Variants in CHD7 observed in about 807,000 individuals in gnomAD.
CHD7 encodes chromodomain helicase DNA binding protein 7.
CHD7 carries 24 observed loss-of-function variants against 307.3 expected under a neutral mutation model. The observed-to-expected ratio is 0.08, with a 90% confidence interval of 0.06 to 0.11. The LOEUF (loss-of-function observed/expected upper bound fraction) is 0.11, where lower values mean the gene tolerates loss of function less well. CHD7 is among the 10% of genes least tolerant of loss of function. The pLI, the probability that CHD7 is intolerant of heterozygous loss-of-function variation, is 1.00. For missense variants in CHD7, 3,106 were observed against 3,727.1 expected, an observed-to-expected ratio of 0.83 and a Z score of 4.34; for synonymous variants, 1,363 against 1,349.9, an observed-to-expected ratio of 1.01 and a Z score of -0.21.
At chr8:60,780,934 C>A (rs1424988521) in intron 2 of CHD7, 66 bp from the exon 3 acceptor site, 2 of 1,418,564 alleles carry the variant, frequency 1.4e-6, no homozygotes, top group African/African-American at 1.4e-5. Flanking sequence ...CAGCCACTAA[C>A]TTTCAGTTCT....
At position 60,862,213 on chromosome 8, in the gene CHD7, G is replaced by A. The variant is rs188188906; in HGVS notation, c.7848G>A (p.Leu2616=). The change falls in exon 36 of 38, where the codon CTG becomes CTA. Residue 2616 remains leucine, a synonymous_variant. Coordinates refer to ENST00000423902, the MANE Select transcript of CHD7 (RefSeq NM_017780.4). ...PSYVPKNADV[L]FSSFQKPKQK... is the part of the protein sequence containing the mutation. ...TTTTGCAGAAGAATGCAGATGTGCTGTTTTCCTCATTTCAGAAACCGAAAC... is the reference window on the plus strand; with the variant it reads ...TTTTGCAGAAGAATGCAGATGTGCTATTTTCCTCATTTCAGAAACCGAAAC... 89 of 1,609,946 alleles carry A rather than the reference G, an allele frequency of 5.5e-5. No homozygotes were observed. In the Admixed American group the frequency reaches 1.5e-3, roughly 26 times the overall value.
rs748282026 is a variant in CHD7, at chr8:60,819,983, CT to C, written c.2614-14del. 28,289 of 1,268,764 alleles carry C rather than the reference CT, an allele frequency of 0.022. 737 individuals carry two copies. Among genetic ancestry groups the C allele is most frequent in the East Asian group, 0.14 (5,440 of 38,762 alleles). The allele number at this position is 1,268,764 out of a possible 1,614,324, so 78.6% of individuals were successfully genotyped here. A position where few individuals can be genotyped will look rare whatever the true frequency, so the allele number is the denominator to read the frequency against. On this transcript the variant is annotated intron_variant, in intron 8 of 37. Coordinates refer to ENST00000423902, the MANE Select transcript of CHD7 (RefSeq NM_017780.4). ...TCTTAGGAAATAAGTAAACCTTTAA[CT>C]TTTTTTTTTCCCTTTGGTGTAGATT...
intron 7 of CHD7, among the ~76,000 whole-genome samples, chr8:60,814,683 G>T (rs1019789256): frequency 3.9e-5 from 6 of 152,194 alleles, no homozygotes; most frequent in Non-Finnish European, 1.5e-5. Context: ...CTGGCCTCAG[G>T]TGATCTGCCT....
chr8:60,841,771 AT>A lies in CHD7; in HGVS notation c.4644+19del. On this transcript the variant is annotated intron_variant, in intron 20 of 37. Coordinates refer to ENST00000423902, the MANE Select transcript of CHD7 (RefSeq NM_017780.4). The stretch of plus-strand genomic sequence containing the variant: ...AATGGGAGGGTGAGTAAGAAGTCCC[AT>A]TCGAACACCTATCTGATCTAAACCA... The A allele has an allele frequency of 6.2e-7, 1 of 1,604,006 alleles. No homozygotes were observed.
chr8:60,825,007 C>T (rs538459267), intron 13 of CHD7: 1 of 152,304 alleles, frequency 6.6e-6, no homozygotes, highest in East Asian at 1.9e-4. Flanking sequence ...GAAAGCAAAG[C>T]TCCTGTCATT....
chr8:60,731,218 T>G lies in CHD7; in HGVS notation c.-174-10041T>G, dbSNP rs563034225. Among the ~76,000 whole-genome samples the G allele has an allele frequency of 7.2e-3, 1,100 of 152,216 alleles. 10 individuals carry two copies. The highest frequency in any genetic ancestry group is 0.025 in the African/African-American group (1,030 of 41,518). On this transcript the variant is annotated intron_variant, in intron 1 of 37. Transcript: ENST00000423902. ...CTTTAAATGAAAAGGTAAAAGCTCA[T>G]AAAGAAAAAAGTTTGTGTATTGAGA... is the stretch of plus-strand genomic sequence containing the variant.
At chr8:60,855,861 C>G in intron 32 of CHD7, 114 bp from the exon 33 acceptor site, 1 of 675,046 alleles carries the variant, frequency 1.5e-6, no homozygotes, top group Non-Finnish European at 2.5e-6. Flanking sequence ...ACTTTTTGTC[C>G]TCCAGTTGAC....
intron 2 of CHD7, among the ~76,000 whole-genome samples, chr8:60,753,604 T>TTTTTGTTTTGTTTTC (rs1466810390): frequency 6.6e-6 from 1 of 151,654 alleles, no homozygotes; most frequent in Non-Finnish European, 1.5e-5. Flanking sequence ...TAAGATCAGT[T>TTTTTGTTTTGTTTTC]TTTTGTTTTG....
intron 1 of CHD7, among the ~76,000 whole-genome samples, chr8:60,737,443 C>T (rs1808767215): frequency 6.6e-6 from 1 of 152,126 alleles, no homozygotes. Context: ...AAGTTTACTC[C>T]TCTCAGTCTA....
chr8:60,772,740 A>G (rs1810771654), intron 2 of CHD7, among the ~76,000 whole-genome samples: 1 of 152,236 alleles, frequency 6.6e-6, no homozygotes, highest in East Asian at 1.9e-4. Context: ...GTGATGAAGA[A>G]AAGAGAGAAG....
intron 37 of CHD7, chr8:60,863,284 G>A (rs1159535285): frequency 2.0e-5 from 3 of 146,814 alleles, no homozygotes; most frequent in African/African-American, 7.6e-5. Context: ...CTGACCTGTT[G>A]TCCATCCCTG....
intron 2 of CHD7, among the ~76,000 whole-genome samples, chr8:60,755,858 T>C (rs576212410): frequency 1.3e-5 from 2 of 152,338 alleles, no homozygotes; most frequent in South Asian, 4.1e-4. Flanking sequence ...CAAGTTATTT[T>C]TTAAAGAAGG....
At chr8:60,774,724 T>A (rs1810870722) in intron 2 of CHD7, among the ~76,000 whole-genome samples, 2 of 152,222 alleles carry the variant, frequency 1.3e-5, no homozygotes, top group African/African-American at 4.8e-5. Context: ...AGCAAACACC[T>A]TGCTCTCCTC....
intron 25 of CHD7, among the ~76,000 whole-genome samples, chr8:60,849,641 G>C (rs1251934759): frequency 6.6e-6 from 1 of 152,188 alleles, no homozygotes; most frequent in Non-Finnish European, 1.5e-5. Flanking sequence ...GGCTGGGGAT[G>C]CAGAACTGGC....
intron 1 of CHD7, among the ~76,000 whole-genome samples, chr8:60,701,096 C>T (rs1806738360): frequency 6.6e-6 from 1 of 152,220 alleles, no homozygotes; most frequent in African/African-American, 2.4e-5. Flanking sequence ...CAGGTAGCAA[C>T]AATCTGACCA....
At chr8:60,759,530 A>G (rs1810071509) in intron 2 of CHD7, among the ~76,000 whole-genome samples, 1 of 136,400 alleles carries the variant, frequency 7.3e-6, no homozygotes, top group South Asian at 2.3e-4. Context: ...TCTTTCTCTC[A>G]GTCTCTCTCA....
chr8:60,688,483 C>G (rs1806027667), intron 1 of CHD7, among the ~76,000 whole-genome samples: 1 of 152,200 alleles, frequency 6.6e-6, no homozygotes, highest in African/African-American at 2.4e-5. Context: ...AAAATGGTGA[C>G]TGGCTACACA....
chr8:60,736,056 A>G (rs1808687779), intron 1 of CHD7, among the ~76,000 whole-genome samples: 2 of 152,280 alleles, frequency 1.3e-5, no homozygotes, highest in East Asian at 3.9e-4. Context: ...CTTGGCCAGG[A>G]AGAAAATGTG....
At chr8:60,813,096 ATT>A (rs2150733063) in intron 7 of CHD7, among the ~76,000 whole-genome samples, 1 of 152,176 alleles carries the variant, frequency 6.6e-6, no homozygotes, top group East Asian at 1.9e-4. Context: ...AGTTTTAAAT[ATT>A]TTCTTATACA....
Sources: allele counts gnomAD v4.1 joint callset (sites outside exome capture counted in the v4.1 genomes callset), GRCh38; gene constraint gnomAD v4.1.1; transcripts MANE v1.5; gene names NCBI Gene and HGNC (gene_info 2026-07-23, HGNC 2026-07-21).